Variants in TBCD observed in about 807,000 individuals in gnomAD.
TBCD encodes tubulin-specific chaperone D.
A neutral mutation model predicts 169.3 loss-of-function variants in TBCD; 105 were observed. The observed-to-expected ratio is 0.62, with a 90% CI of 0.53 to 0.73. The LOEUF (loss-of-function observed/expected upper bound fraction) is 0.73, where lower values mean the gene tolerates loss of function less well. Among genes scored for constraint, TBCD ranks in the 30% least tolerant of loss-of-function variants. The probability of loss-of-function intolerance (pLI) is 0.00; values close to 1 mark genes in which losing one functional copy is unlikely to be tolerated. For missense variants in TBCD, 1,444 were observed against 1,600.1 expected (o/e 0.90, Z 1.66); for synonymous variants, 700 against 643.9 (o/e 1.09, Z -1.32).
Position 82,856,460 on chromosome 17 carries a change from A to G in TBCD, c.1319-13764A>G, listed in dbSNP as rs1448957561. Among the ~76,000 whole-genome samples the G allele has an allele frequency of 3.3e-5, 5 of 151,976 alleles. No individual in the cohort carries two copies. The East Asian group carries it at 7.8e-4, about 24-fold the overall frequency. ...TGTCTCTACAAAGAAAAAAAGAAAAAAAACAGACGCCCCAATGCTTGCGTT... is the reference window on the plus strand; with the variant it reads ...TGTCTCTACAAAGAAAAAAAGAAAAGAAACAGACGCCCCAATGCTTGCGTT... On this transcript the variant is annotated intron_variant, in intron 13 of 38. Transcript: ENST00000355528.
intron 8 of TBCD, 122 bp from the exon 9 acceptor site, chr17:82,800,742 T>C: frequency 8.5e-7 from 1 of 1,179,356 alleles, no homozygotes; most frequent in Non-Finnish European, 1.2e-6. Flanking sequence ...ATGATGGGGG[T>C]CTTGGTGATG....
intron 17 of TBCD, among the ~76,000 whole-genome samples, chr17:82,899,105 G>A (rs1263892839): frequency 2.6e-5 from 4 of 152,262 alleles, no homozygotes; most frequent in East Asian, 1.9e-4. Context: ...CCTGGGGACC[G>A]TCCGCAGCGC....
chr17:82,843,712 C>G (rs2054751435), intron 13 of TBCD, among the ~76,000 whole-genome samples: 1 of 152,074 alleles, frequency 6.6e-6, no homozygotes, highest in African/African-American at 2.4e-5. Context: ...CAGGCATATT[C>G]TTATTAGTTT....
At chr17:82,909,105 G>T (rs2060440447) in intron 21 of TBCD, among the ~76,000 whole-genome samples, 180 bp from the exon 22 acceptor site, 1 of 152,232 alleles carries the variant, frequency 6.6e-6, no homozygotes, top group African/African-American at 2.4e-5. Flanking sequence ...CTGTCTGGAG[G>T]TTAAACAAGG....
chr17:82,865,961 C>T (rs1599041605), intron 13 of TBCD, among the ~76,000 whole-genome samples: 1 of 152,286 alleles, frequency 6.6e-6, no homozygotes, highest in Non-Finnish European at 1.5e-5. Flanking sequence ...AGGAAGCCTC[C>T]TGGGGTGTGT....
At chr17:82,794,959 G>A (rs143903813) in intron 7 of TBCD, among the ~76,000 whole-genome samples, 2 of 152,344 alleles carry the variant, frequency 1.3e-5, no homozygotes, top group African/African-American at 2.4e-5. Context: ...ATGGTGGCGG[G>A]CCCTGGCCTT....
At chr17:82,928,051 C>CGG in intron 30 of TBCD, 63 bp downstream of exon 30, 2 of 1,481,004 alleles carry the variant, frequency 1.4e-6, no homozygotes, top group Non-Finnish European at 1.9e-6. Context: ...GGGAGGCTGG[C>CGG]GGGGCGGGCG....
At chr17:82,933,273 CTTTT>C (rs10639851) in intron 34 of TBCD, among the ~76,000 whole-genome samples, 36 of 114,624 alleles carry the variant, frequency 3.1e-4, no homozygotes, top group Admixed American at 5.0e-4. Flanking sequence ...TTGGGCCAGT[CTTTT>C]TTTTTTTTTT....
rs770299355 is a variant in TBCD at position 82,831,672 on chromosome 17, C to T, written c.1318+16738C>T. 53 of 1,613,998 alleles carry T rather than the reference C, an allele frequency of 3.3e-5. 2 individuals carry two copies. In the South Asian group the frequency reaches 5.8e-4, roughly 18 times the overall value. On this transcript the variant is annotated intron_variant, in intron 13 of 38. Transcript: ENST00000355528. This position sits in a 1 kb window ranked among gnomAD's most constrained non-coding sequence, Gnocchi z 4.6. The stretch of plus-strand genomic sequence containing the variant: ...CGTCACACTCAGGCGAGCTCCCAGC[C>T]AGCAGGTAAGGCGAGTAGATGGTGG...
rs189001376 is a variant in TBCD at position 82,843,027 on chromosome 17, G to A, written c.1319-27197G>A. On this transcript the variant is annotated intron_variant, in intron 13 of 38. Coordinates refer to ENST00000355528, the MANE Select transcript of TBCD (RefSeq NM_005993.5). ...GATCTCCTGACCTCGTGATCCGCCC[G>A]CCTCGGCCTCCCAAAGTGCTAGGAT... Among the ~76,000 whole-genome samples, 20 of 152,008 alleles carry A rather than the reference G, an allele frequency of 1.3e-4. No homozygotes were observed. The East Asian group carries it at 2.3e-3, about 18-fold the overall frequency.
At chr17:82,790,483 C>T (rs1490118645) in intron 7 of TBCD, among the ~76,000 whole-genome samples, 1 of 152,172 alleles carries the variant, frequency 6.6e-6, no homozygotes, top group African/African-American at 2.4e-5. Flanking sequence ...TGGGGTTCCC[C>T]ATCCCCCCGT....
At position 82,783,210 on chromosome 17, in the gene TBCD, G is replaced by A. The variant is rs1195581095; in HGVS notation, c.771+1489G>A. ...CCGGTCATGCTGCCGTGGTCTTCAGGAGGGCAGCCTTTGAAATGAGGAAAA... is the reference window on the plus strand; with the variant it reads ...CCGGTCATGCTGCCGTGGTCTTCAGAAGGGCAGCCTTTGAAATGAGGAAAA... On this transcript the variant is annotated intron_variant, in intron 7 of 38. Coordinates refer to ENST00000355528, the MANE Select transcript of TBCD (RefSeq NM_005993.5). Among the ~76,000 whole-genome samples, 5 of 152,274 alleles carry A rather than the reference G, an allele frequency of 3.3e-5. 1 individual carries two copies. Among genetic ancestry groups the A allele is most frequent in the Admixed American group, 1.3e-4 (2 of 15,298 alleles).
intron 13 of TBCD, among the ~76,000 whole-genome samples, chr17:82,842,927 C>T (rs2054648870): frequency 6.6e-6 from 1 of 151,822 alleles, no homozygotes; most frequent in Admixed American, 6.6e-5. Context: ...ACTACAGGCG[C>T]CCTCCACCAC....
intron 28 of TBCD, among the ~76,000 whole-genome samples, 166 bp downstream of exon 28, chr17:82,926,657 C>T (rs1258459421): frequency 6.6e-6 from 1 of 152,210 alleles, no homozygotes; most frequent in African/African-American, 2.4e-5. Context: ...CTCTTTCATT[C>T]TCTTGCTGTC....
intron 13 of TBCD, among the ~76,000 whole-genome samples, chr17:82,821,318 C>T (rs1443561581): frequency 2.7e-5 from 3 of 111,014 alleles, no homozygotes; most frequent in Non-Finnish European, 3.9e-5. Flanking sequence ...GTTCTTTGTC[C>T]ACAGTTTTCT....
Position 82,835,133 on chromosome 17 carries a change from G to A in TBCD, c.1318+20199G>A, listed in dbSNP as rs897964620. On this transcript the variant is annotated intron_variant, in intron 13 of 38. Coordinates refer to ENST00000355528, the MANE Select transcript of TBCD (RefSeq NM_005993.5). The surrounding 1 kb of genome is among the most constrained non-coding windows in gnomAD (Gnocchi z 4.5). ...CTGCAGTATTTTTTTTAAGGAATGGGCAGATGTGCCCATTCTTGAGTCTGT... is the reference window on the plus strand; with the variant it reads ...CTGCAGTATTTTTTTTAAGGAATGGACAGATGTGCCCATTCTTGAGTCTGT... Among the ~76,000 whole-genome samples the A allele has an allele frequency of 3.3e-5, 5 of 152,168 alleles. No individual in the cohort carries two copies. The highest frequency in any genetic ancestry group is 7.4e-5 in the Non-Finnish European group (5 of 68,026).
In TBCD at chr17:82,870,101, G is replaced by A. The variant is rs182659845; in HGVS notation, c.1319-123G>A. 167 of 1,362,840 alleles carry A rather than the reference G, an allele frequency of 1.2e-4. 1 individual carries two copies. The East Asian group carries it at 3.5e-3, about 29-fold the overall frequency. 84.4% of individuals were successfully genotyped at this position (1,362,840 alleles called of 1,614,324 possible). On this transcript the variant is annotated intron_variant, in intron 13 of 38. Transcript: ENST00000355528. ...CGAACCTCTGGGTGGGCTCCGTGTC[G>A]CTTGCGTGCCTCACTCATCTGGCAC...
At chr17:82,823,647 C>G (rs748226169) in intron 13 of TBCD, among the ~76,000 whole-genome samples, 14 of 151,996 alleles carry the variant, frequency 9.2e-5, no homozygotes, top group Non-Finnish European at 1.8e-4. Flanking sequence ...GGCATCTTCT[C>G]TTACATGTGA....
At chr17:82,794,929 T>G (rs1295958809) in intron 7 of TBCD, among the ~76,000 whole-genome samples, 1 of 152,256 alleles carries the variant, frequency 6.6e-6, no homozygotes, top group African/African-American at 2.4e-5. Flanking sequence ...TGTGGGGTTC[T>G]GGTTTCTCCC....
Sources: gnomAD v4.1 joint callset for allele counts (sites outside exome capture counted in the v4.1 genomes callset) on GRCh38, gnomAD v4.1.1 for gene constraint, Gnocchi (gnomAD v3.1) non-coding constraint, MANE v1.5 for transcripts, NCBI Gene and HGNC (gene_info 2026-07-23, HGNC 2026-07-21) for gene names.